KIF3B: variants seen among roughly 807,000 people sequenced by gnomAD.
The protein encoded by KIF3B is kinesin-like protein KIF3B.
Under a neutral mutation model 74.3 loss-of-function variants are expected in KIF3B, and 38 were observed. That is an observed-to-expected ratio of 0.51 (90% CI 0.39 to 0.67). The LOEUF is 0.67. Ranked by LOEUF, KIF3B falls within the 30% of genes least tolerant of loss-of-function variation. The pLI, the probability that KIF3B is intolerant of heterozygous loss-of-function variation, is 0.00. For missense variants in KIF3B, 649 were observed against 932.0 expected (o/e 0.70, Z 3.95); for synonymous variants, 326 against 342.5 (o/e 0.95, Z 0.53).
chr20:32,312,907 C>T (rs1424707705), intron 2 of KIF3B, among the ~76,000 whole-genome samples: 1 of 152,162 alleles, frequency 6.6e-6, no homozygotes, highest in East Asian at 1.9e-4. Context: ...GTTCTGGATG[C>T]CCCGCATCCT....
intron 5 of KIF3B, among the ~76,000 whole-genome samples, chr20:32,322,371 G>A (rs1299889140): frequency 6.6e-6 from 1 of 151,086 alleles, no homozygotes; most frequent in Admixed American, 6.7e-5. Context: ...CACTTTGAGA[G>A]GCCCAGGTGG....
chr20:32,310,611 C>T lies in KIF3B; in HGVS notation c.834C>T (p.Val278=), dbSNP rs774113271. The T allele has an allele frequency of 7.4e-6, 12 of 1,614,108 alleles. No homozygotes were observed. Among genetic ancestry groups the T allele is most frequent in the Non-Finnish European group, 1.0e-5 (12 of 1,180,028 alleles). Residue 278 remains valine, a synonymous_variant, in exon 2 of 9, where the codon GTC becomes GTT. Transcript: ENST00000375712. This position sits in a 1 kb window ranked among gnomAD's most constrained non-coding sequence, Gnocchi z 6.5. ...INLSLSALGN[V]ISALVDGKST... ...TCTCCCTTTCCGCTTTGGGTAATGTCATCTCTGCTCTAGTGGACGGCAAAA... is the reference window on the plus strand; with the variant it reads ...TCTCCCTTTCCGCTTTGGGTAATGTTATCTCTGCTCTAGTGGACGGCAAAA...
intron 5 of KIF3B, among the ~76,000 whole-genome samples, chr20:32,322,770 A>G (rs1457968269): frequency 5.0e-5 from 2 of 40,360 alleles, no homozygotes; most frequent in Non-Finnish European, 3.8e-5. Context: ...ATATATATTT[A>G]TATATATATT....
intron 2 of KIF3B, among the ~76,000 whole-genome samples, chr20:32,312,266 C>CTAAATTTTT (rs1434697686): frequency 6.6e-6 from 1 of 151,686 alleles, no homozygotes; most frequent in African/African-American, 2.4e-5. Flanking sequence ...CTTTGCCTGG[C>CTAAATTTTT]TAAATTTTTT....
At chr20:32,300,079 T>C (rs955487760) in intron 1 of KIF3B, among the ~76,000 whole-genome samples, 69 of 44,990 alleles carry the variant, frequency 1.5e-3, no homozygotes, top group Non-Finnish European at 1.3e-4. Context: ...CTGGCCTGTT[T>C]TGTTTTGTTT....
At chr20:32,281,008 T>C (rs2047640600) in intron 1 of KIF3B, among the ~76,000 whole-genome samples, 1 of 152,298 alleles carries the variant, frequency 6.6e-6, no homozygotes, top group East Asian at 1.9e-4. Context: ...TTCTGTTAGG[T>C]GCCTGGATTA....
At chr20:32,289,250 A>G (rs1452109045) in intron 1 of KIF3B, among the ~76,000 whole-genome samples, 1 of 143,570 alleles carries the variant, frequency 7.0e-6, no homozygotes, top group Non-Finnish European at 1.5e-5. Flanking sequence ...GCTGGAGTGC[A>G]GTGGCACGAT....
At chr20:32,292,803 G>A (rs889033178) in intron 1 of KIF3B, among the ~76,000 whole-genome samples, 6 of 151,918 alleles carry the variant, frequency 3.9e-5, no homozygotes, top group African/African-American at 1.5e-4. Flanking sequence ...AAAAACAATA[G>A]AATGTGTACA....
intron 1 of KIF3B, among the ~76,000 whole-genome samples, chr20:32,289,257 C>T (rs1308949982): frequency 2.7e-5 from 4 of 148,126 alleles, no homozygotes; most frequent in African/African-American, 5.0e-5. Flanking sequence ...TGCAGTGGCA[C>T]GATCTCAGCT....
chr20:32,292,426 C>T (rs903931319), intron 1 of KIF3B, among the ~76,000 whole-genome samples: 1 of 151,634 alleles, frequency 6.6e-6, no homozygotes, highest in Non-Finnish European at 1.5e-5. Context: ...CAAGACCCCC[C>T]CCAACTTCTA....
chr20:32,301,307 C>A (rs1183533360), intron 1 of KIF3B, among the ~76,000 whole-genome samples: 2 of 151,628 alleles, frequency 1.3e-5, no homozygotes, highest in East Asian at 1.9e-4. Context: ...TCAGGTGATA[C>A]GCCCGCCTCG....
At chr20:32,314,963 C>T (rs1179661284) in intron 2 of KIF3B, among the ~76,000 whole-genome samples, 2 of 152,140 alleles carry the variant, frequency 1.3e-5, no homozygotes, top group African/African-American at 4.8e-5. Flanking sequence ...GGGAGTTATC[C>T]TTGCCAGCAG....
chr20:32,316,389 C>A (rs2047827719), intron 3 of KIF3B, 70 bp downstream of exon 3: 1 of 1,528,994 alleles, frequency 6.5e-7, no homozygotes, highest in Non-Finnish European at 9.0e-7. Context: ...GCAAACGTCT[C>A]ATATTAGACT....
chr20:32,303,753 G>A (rs2047755530), intron 1 of KIF3B, among the ~76,000 whole-genome samples: 1 of 151,436 alleles, frequency 6.6e-6, no homozygotes, highest in African/African-American at 2.4e-5. Flanking sequence ...TATTCGGGAG[G>A]CTGAGGCAGG....
At chr20:32,300,788 A>G (rs928776329) in intron 1 of KIF3B, among the ~76,000 whole-genome samples, 3 of 152,190 alleles carry the variant, frequency 2.0e-5, no homozygotes, top group African/African-American at 7.2e-5. Context: ...GCACATATGC[A>G]AAGCTTTTTA....
rs35797269 is a variant in KIF3B at position 32,322,660 on chromosome 20, T to TTA, written c.1749-4101_1749-4100dup. Among the ~76,000 whole-genome samples the TTA allele has an allele frequency of 5.2e-3, 307 of 58,534 alleles. 37 individuals carry two copies. The highest frequency in any genetic ancestry group is 7.0e-3 in the Non-Finnish European group (270 of 38,436). 38.4% of individuals were successfully genotyped at this position (58,534 alleles called of 152,430 possible). ...TATTTATATATATATTTTTATATAT[T>TTA]TATATATATATTTATATATTTATAT... On this transcript the variant is annotated intron_variant, in intron 5 of 8. Transcript: ENST00000375712.
intron 1 of KIF3B, among the ~76,000 whole-genome samples, chr20:32,279,831 T>G (rs1464366388): frequency 6.6e-6 from 1 of 152,208 alleles, no homozygotes; most frequent in Admixed American, 6.5e-5. Context: ...ATGAGGGGAC[T>G]AGGCTAGATT....
At chr20:32,289,931 T>C (rs950750301) in intron 1 of KIF3B, among the ~76,000 whole-genome samples, 1 of 152,150 alleles carries the variant, frequency 6.6e-6, no homozygotes, top group African/African-American at 2.4e-5. Flanking sequence ...TCTGTTTTTT[T>C]TCTCCTGCAA....
At chr20:32,295,283 GC>G (rs950026738) in intron 1 of KIF3B, among the ~76,000 whole-genome samples, 2 of 151,126 alleles carry the variant, frequency 1.3e-5, no homozygotes, top group African/African-American at 2.4e-5. Flanking sequence ...AAAAGGTGAC[GC>G]CCCCCGCCCC....
Sources: allele counts gnomAD v4.1 joint callset (sites outside exome capture counted in the v4.1 genomes callset), GRCh38; gene constraint gnomAD v4.1.1; non-coding constraint Gnocchi (gnomAD v3.1); transcripts MANE v1.5; gene names NCBI Gene and HGNC (gene_info 2026-07-23, HGNC 2026-07-21).